SYT10: variants seen among roughly 807,000 people sequenced by gnomAD.
SYT10 encodes the protein synaptotagmin 10.
Under a neutral mutation model 51.1 loss-of-function variants are expected in SYT10, and 31 were observed. The observed-to-expected ratio is 0.61, with a 90% CI of 0.46 to 0.82. The LOEUF (loss-of-function observed/expected upper bound fraction) is 0.82, where lower values mean the gene tolerates loss of function less well. Ranked by LOEUF, SYT10 falls within the 40% of genes least tolerant of loss-of-function variation. The probability of loss-of-function intolerance (pLI) is 0.00; values close to 1 mark genes in which losing one functional copy is unlikely to be tolerated. For synonymous variants in SYT10, 233 were observed against 225.9 expected (o/e 1.03, Z -0.28); for missense variants, 603 against 634.0 (o/e 0.95, Z 0.53).
chr12:33,404,732 A>G (rs2138412677), intron 3 of SYT10: 1 of 152,290 alleles, frequency 6.6e-6, no homozygotes, highest in East Asian at 1.9e-4. Context: ...TGTTTGTGTA[A>G]GACTACATTT....
At chr12:33,414,738 A>T (rs1250584604) in intron 2 of SYT10, among the ~76,000 whole-genome samples, 1 of 152,212 alleles carries the variant, frequency 6.6e-6, no homozygotes, top group African/African-American at 2.4e-5. Flanking sequence ...GGAAGATCTA[A>T]AATTGACACC....
At chr12:33,384,844 T>G (rs897712964) in intron 4 of SYT10, among the ~76,000 whole-genome samples, 5 of 152,140 alleles carry the variant, frequency 3.3e-5, no homozygotes, top group African/African-American at 1.2e-4. Context: ...CGCTTAAGCC[T>G]AAGAATCTTC....
intron 2 of SYT10, among the ~76,000 whole-genome samples, chr12:33,422,065 T>C (rs1306270649): frequency 6.6e-6 from 1 of 151,698 alleles, no homozygotes; most frequent in African/African-American, 2.4e-5. Context: ...CAGTGCTTTG[T>C]TAAGGCATCA....
Position 33,406,738 on chromosome 12 carries a change from T to C in SYT10, c.1077+51A>G, listed in dbSNP as rs16920985. On this transcript the variant is annotated intron_variant, in intron 3 of 6. Coordinates refer to ENST00000228567, the MANE Select transcript of SYT10 (RefSeq NM_198992.4). ...ATAATTTGGGTAATAATTAGTCACA[T>C]AGCATTGTAAGTCAAATAAAAAACA... The C allele has an allele frequency of 9.5e-3, 13,724 of 1,439,228 alleles. 359 individuals carry two copies. The highest frequency in any genetic ancestry group is 0.094 in the African/African-American group (6,639 of 70,446). 89.2% of individuals were successfully genotyped at this position (1,439,228 alleles called of 1,614,324 possible).
At chr12:33,406,743 T>C in intron 3 of SYT10, 46 bp downstream of exon 3, 1 of 1,474,338 alleles carries the variant, frequency 6.8e-7, no homozygotes, top group Admixed American at 2.1e-5. Flanking sequence ...TCACATAGCA[T>C]TGTAAGTCAA....
intron 1 of SYT10, among the ~76,000 whole-genome samples, chr12:33,434,616 C>T (rs1866622842): frequency 6.6e-6 from 1 of 152,070 alleles, no homozygotes; most frequent in African/African-American, 2.4e-5. Flanking sequence ...CCAGCCCGGC[C>T]AACATGGAGA....
chr12:33,416,839 C>T (rs1295105971), intron 2 of SYT10, among the ~76,000 whole-genome samples: 5 of 152,136 alleles, frequency 3.3e-5, no homozygotes, highest in Non-Finnish European at 5.9e-5. Context: ...ATGCAAGCAT[C>T]AGAGAGGAGG....
At chr12:33,417,250 TA>T (rs148017015) in intron 2 of SYT10, among the ~76,000 whole-genome samples, 211 of 152,282 alleles carry the variant, frequency 1.4e-3, no homozygotes, top group African/African-American at 4.9e-3. Flanking sequence ...ATGAATGGAT[TA>T]AATCCATTCA....
intron 1 of SYT10, among the ~76,000 whole-genome samples, chr12:33,433,685 T>G (rs1866614755): frequency 6.6e-6 from 1 of 152,202 alleles, no homozygotes; most frequent in African/African-American, 2.4e-5. Context: ...AAACACTGCT[T>G]GTTATATTTG....
chr12:33,431,579 T>A lies in SYT10; in HGVS notation c.152-5084A>T, dbSNP rs879529278. Among the ~76,000 whole-genome samples the A allele has an allele frequency of 1.4e-4, 21 of 152,190 alleles. 1 individual carries two copies. Among genetic ancestry groups the A allele is most frequent in the Admixed American group, 9.8e-4 (15 of 15,274 alleles). On this transcript the variant is annotated intron_variant, in intron 1 of 6. Transcript: ENST00000228567. ...ATTTAATATTTAATCCATTATAAAA[T>A]ACATACTTTAAAACATTTTGCATTT...
intron 6 of SYT10, among the ~76,000 whole-genome samples, chr12:33,378,361 G>A (rs1215078980): frequency 1.3e-5 from 2 of 152,066 alleles, no homozygotes; most frequent in Non-Finnish European, 2.9e-5. Flanking sequence ...TAATTAATAT[G>A]CCTTGGGTCA....
rs1319165217 is a variant in SYT10, at chr12:33,374,739, A to G, written c.*2091T>C. The G allele has an allele frequency of 6.6e-6, 1 of 151,884 alleles. No individual in the cohort carries two copies. The highest frequency in any genetic ancestry group is 1.5e-5 in the Non-Finnish European group (1 of 67,876). 9.4% of individuals were successfully genotyped at this position (151,884 alleles called of 1,614,324 possible). On this transcript the variant is annotated 3_prime_UTR_variant, in exon 7 of 7. Transcript: ENST00000228567. ...AAACTTATTTTAATCTACAATTCCC[A>G]TATTAGAGTCTTCTGATTGGCCAAT... is the stretch of plus-strand genomic sequence containing the variant.
chr12:33,438,217 G>T (rs1947573897), intron 1 of SYT10, among the ~76,000 whole-genome samples: 1 of 152,156 alleles, frequency 6.6e-6, no homozygotes, highest in Non-Finnish European at 1.5e-5. Context: ...GAGCTTGGCT[G>T]TCCAGCTCTT....
At chr12:33,394,227 A>G (rs1866234913) in intron 3 of SYT10, among the ~76,000 whole-genome samples, 1 of 152,212 alleles carries the variant, frequency 6.6e-6, no homozygotes, top group Non-Finnish European at 1.5e-5. Flanking sequence ...AGCACTGTAA[A>G]AGCATGAATA....
chr12:33,374,852 A>T lies in SYT10; in HGVS notation c.*1978T>A, dbSNP rs1243103050. 2 of 151,988 alleles carry T rather than the reference A, an allele frequency of 1.3e-5. No homozygotes were observed. Among genetic ancestry groups the T allele is most frequent in the African/African-American group, 4.8e-5 (2 of 41,446 alleles). The allele number at this position is 151,988 out of a possible 1,614,324, so 9.4% of individuals were successfully genotyped here. A position where few individuals can be genotyped will look rare whatever the true frequency, so the allele number is the denominator to read the frequency against. On this transcript the variant is annotated 3_prime_UTR_variant, in exon 7 of 7. Coordinates refer to ENST00000228567, the MANE Select transcript of SYT10 (RefSeq NM_198992.4). The stretch of plus-strand genomic sequence containing the variant: ...TTCTAAGAATCAACAAAAAGTCCTT[A>T]AAAATGTGTTTTTGGGTGAAAATAA...
chr12:33,375,961 A>C lies in SYT10; in HGVS notation c.*869T>G, dbSNP rs982977284. 1 of 152,604 alleles carries C rather than the reference A, an allele frequency of 6.6e-6. No homozygotes were observed. The highest frequency in any genetic ancestry group is 2.4e-5 in the African/African-American group (1 of 41,458). 9.5% of individuals were successfully genotyped at this position (152,604 alleles called of 1,614,324 possible). ...CACAAAAAATACACGTCACAAAAAA[A>C]TACATGTCACAGTACTTGAGAACCT... On this transcript the variant is annotated 3_prime_UTR_variant, in exon 7 of 7. Coordinates refer to ENST00000228567, the MANE Select transcript of SYT10 (RefSeq NM_198992.4).
intron 3 of SYT10, chr12:33,405,657 T>C (rs1303093212): frequency 6.6e-6 from 1 of 152,046 alleles, no homozygotes. Context: ...TTTTAAATAA[T>C]CCCTTGTCTC....
At position 33,439,432 on chromosome 12, in the gene SYT10, A is replaced by C. The variant is rs772191655; in HGVS notation, c.91T>G (p.Trp31Gly). Residue 31 changes from tryptophan (W) to glycine (G), a missense_variant, in exon 1 of 7, where the codon TGG becomes GGG. Trp to Gly is a radical substitution (Grantham distance 184, BLOSUM62 -2). Transcript: ENST00000228567. ...GGGAAGATGCCCGAGCACTTCTCCC[A>C]CTCCACCTGGCCGGCGAAGCACAGC... Reference protein sequence around the residue: ...TELCFAGQVEWEKCSGIFPRD... With the variant: ...TELCFAGQVEGEKCSGIFPRD... The C allele has an allele frequency of 9.9e-6, 16 of 1,613,794 alleles. No homozygotes were observed. The highest frequency in any genetic ancestry group is 1.7e-5 in the Admixed American group (1 of 60,000).
rs189351338 is a variant in SYT10 at position 33,413,695 on chromosome 12, G to C, written c.510-6339C>G. Among the ~76,000 whole-genome samples, 676 of 152,240 alleles carry C rather than the reference G, an allele frequency of 4.4e-3. 6 individuals are homozygous for C. Among genetic ancestry groups the C allele is most frequent in the African/African-American group, 0.015 (638 of 41,538 alleles). ...GCTCCTGAAGGAAGCACTAAACATGGAAAGGAACAACCGGTACCAGCCACT... is the reference window on the plus strand; with the variant it reads ...GCTCCTGAAGGAAGCACTAAACATGCAAAGGAACAACCGGTACCAGCCACT... On this transcript the variant is annotated intron_variant, in intron 2 of 6. Coordinates refer to ENST00000228567, the MANE Select transcript of SYT10 (RefSeq NM_198992.4).
Sources: gnomAD v4.1 joint callset for allele counts (sites outside exome capture counted in the v4.1 genomes callset) on GRCh38, gnomAD v4.1.1 for gene constraint, MANE v1.5 for transcripts, NCBI Gene and HGNC (gene_info 2026-07-23, HGNC 2026-07-21) for gene names.